Variants in RPL39L observed in about 807,000 individuals in gnomAD.
RPL39L encodes the protein ribosomal protein eL39-like 2.
For synonymous variants in RPL39L, 16 were observed against 20.1 expected (o/e 0.80, Z 0.55); for missense variants, 48 against 58.9 (o/e 0.81, Z 0.61).
chr3:187,123,223 G>C (rs896539268), intron 2 of RPL39L, among the ~76,000 whole-genome samples: 1 of 152,206 alleles, frequency 6.6e-6, no homozygotes, highest in Non-Finnish European at 1.5e-5. Flanking sequence ...GCAAGTAACA[G>C]ATGAGTAGGC....
intron 1 of RPL39L, among the ~76,000 whole-genome samples, chr3:187,128,882 C>T (rs1236815795): frequency 1.3e-5 from 2 of 152,148 alleles, no homozygotes; most frequent in African/African-American, 4.8e-5. Context: ...ATGATACGTC[C>T]AACGTCCATT....
intron 2 of RPL39L, among the ~76,000 whole-genome samples, chr3:187,127,394 C>G (rs1373104403): frequency 6.6e-6 from 1 of 152,164 alleles, no homozygotes; most frequent in East Asian, 1.9e-4. Context: ...TTGAGAACCA[C>G]TAGTATGAAA....
Position 187,133,991 on chromosome 3 carries a change from T to C in RPL39L, c.-93+5222A>G, listed in dbSNP as rs184357138. The stretch of plus-strand genomic sequence containing the variant: ...ATGCTTGGCATTTGATAAAATATTA[T>C]GAGCATGAAAAAGAAAAAAACAACT... On this transcript the variant is annotated intron_variant, in intron 1 of 2. Coordinates refer to ENST00000296277, the MANE Select transcript of RPL39L (RefSeq NM_052969.3). Among the ~76,000 whole-genome samples, 82 of 152,130 alleles carry C rather than the reference T, an allele frequency of 5.4e-4. No homozygotes were observed. In the Middle Eastern group the frequency reaches 0.01, roughly 19 times the overall value.
intron 1 of RPL39L, among the ~76,000 whole-genome samples, chr3:187,129,141 A>T (rs948316561): frequency 6.6e-5 from 10 of 152,240 alleles, no homozygotes; most frequent in African/African-American, 2.4e-4. Flanking sequence ...TGGTCAGACA[A>T]GTGAAAGGCA....
chr3:187,128,384 TC>T (rs762220883), intron 1 of RPL39L, among the ~76,000 whole-genome samples: 3 of 152,236 alleles, frequency 2.0e-5, no homozygotes, highest in Non-Finnish European at 2.9e-5. Context: ...ATTAGATTCT[TC>T]CAAAAACTTC....
intron 2 of RPL39L, among the ~76,000 whole-genome samples, chr3:187,121,577 T>C (rs939477311): frequency 6.6e-6 from 1 of 152,184 alleles, no homozygotes; most frequent in Non-Finnish European, 1.5e-5. Context: ...CCTGACTTGA[T>C]GCTACTCATT....
chr3:187,136,490 T>C (rs528226819), intron 1 of RPL39L, among the ~76,000 whole-genome samples: 1 of 152,358 alleles, frequency 6.6e-6, no homozygotes, highest in South Asian at 2.1e-4. Flanking sequence ...TGAGCCTTTC[T>C]CTGCAGCCCT....
rs1426203739 is a variant in RPL39L at position 187,121,119 on chromosome 3, A to G, written c.*26T>C. ...ATCGTGAACTTGATACAGCATAAAT[A>G]TGTGTGCCATCTCATGTGCAATTCC... On this transcript the variant is annotated 3_prime_UTR_variant, in exon 3 of 3. Transcript: ENST00000296277. 6.2e-7 allele frequency: 1 copy of G among 1,611,516 alleles called. No homozygotes were observed. The highest frequency in any genetic ancestry group is 1.7e-5 in the Admixed American group (1 of 60,012).
chr3:187,128,780 A>C (rs1463232418), intron 1 of RPL39L, among the ~76,000 whole-genome samples: 1 of 152,252 alleles, frequency 6.6e-6, no homozygotes, highest in Non-Finnish European at 1.5e-5. Context: ...CCCCACGGCA[A>C]GGTCTGTGTG....
chr3:187,121,790 C>G (rs918265615), intron 2 of RPL39L, among the ~76,000 whole-genome samples: 1 of 152,184 alleles, frequency 6.6e-6, no homozygotes, highest in Non-Finnish European at 1.5e-5. Context: ...CCAGTTAAGA[C>G]AGATGTACAT....
intron 2 of RPL39L, among the ~76,000 whole-genome samples, chr3:187,122,174 A>T (rs1351522571): frequency 1.3e-5 from 2 of 152,226 alleles, no homozygotes; most frequent in Non-Finnish European, 2.9e-5. Flanking sequence ...CCATCTACTG[A>T]ATTGCATGCT....
At chr3:187,134,483 T>TAAAAAAAA (rs72169562) in intron 1 of RPL39L, among the ~76,000 whole-genome samples, 3 of 93,424 alleles carry the variant, frequency 3.2e-5, no homozygotes, top group African/African-American at 1.3e-4. Context: ...GCCTGACTGA[T>TAAAAAAAA]AAAAAAAAAA....
chr3:187,128,661 C>T (rs764475521), intron 1 of RPL39L, among the ~76,000 whole-genome samples: 43 of 152,144 alleles, frequency 2.8e-4, no homozygotes, highest in Non-Finnish European at 4.9e-4. Context: ...AGGTTATGTC[C>T]CAGCATGCCT....
Position 187,121,235 on chromosome 3 carries a change from G to A in RPL39L, c.66C>T (p.Pro22=). The A allele has an allele frequency of 6.2e-7, 1 of 1,613,972 alleles. No homozygotes were observed. The highest frequency in any genetic ancestry group is 1.1e-5 in the South Asian group (1 of 91,070). ...GTTTCATCTGAATCCACTGGGGGAT[G>A]GGACGATTTTGCTTTTGTTTCTTGG... ...FLAKKQKQNR[P]IPQWIQMKPG... Residue 22 remains proline (P), a synonymous_variant, in exon 3 of 3, where the codon CCC becomes CCT. Transcript: ENST00000296277.
At chr3:187,125,094 A>G (rs1437656198) in intron 2 of RPL39L, among the ~76,000 whole-genome samples, 2 of 152,184 alleles carry the variant, frequency 1.3e-5, no homozygotes, top group Non-Finnish European at 2.9e-5. Context: ...AAATAAGGCA[A>G]ATACCTACAT....
At chr3:187,131,914 T>C (rs1720490027) in intron 1 of RPL39L, among the ~76,000 whole-genome samples, 1 of 152,222 alleles carries the variant, frequency 6.6e-6, no homozygotes, top group Non-Finnish European at 1.5e-5. Flanking sequence ...AATGTCACTA[T>C]CTTGACTATT....
intron 2 of RPL39L, among the ~76,000 whole-genome samples, chr3:187,126,070 T>C (rs1270812154): frequency 6.6e-6 from 1 of 152,204 alleles, no homozygotes; most frequent in East Asian, 1.9e-4. Flanking sequence ...AAAGTTTTTG[T>C]ATCCAAACCA....
chr3:187,129,097 GGATTGTTT>G (rs1720445439), intron 1 of RPL39L, among the ~76,000 whole-genome samples: 1 of 152,188 alleles, frequency 6.6e-6, no homozygotes, highest in South Asian at 2.1e-4. Context: ...AGCTTAGCAA[GGATTGTTT>G]CTGAATATTG....
In RPL39L at chr3:187,137,867, C is replaced by A. The variant is rs116414792; in HGVS notation, c.-93+1346G>T. Among the ~76,000 whole-genome samples, 1,051 of 151,696 alleles carry A rather than the reference C, an allele frequency of 6.9e-3. 14 individuals are homozygous for A. The highest frequency in any genetic ancestry group is 0.023 in the African/African-American group (972 of 41,400). On this transcript the variant is annotated intron_variant, in intron 1 of 2. Coordinates refer to ENST00000296277, the MANE Select transcript of RPL39L (RefSeq NM_052969.3). ...AAAAGAGACTTTAAAAGCTGGTGTG[C>A]GTTTTAACATTTGTAGCACATCTTT...
Sources: allele counts gnomAD v4.1 joint callset (sites outside exome capture counted in the v4.1 genomes callset), GRCh38; gene constraint gnomAD v4.1.1; transcripts MANE v1.5; gene names NCBI Gene and HGNC (gene_info 2026-07-23, HGNC 2026-07-21).